The following PPP1R13B variants were observed in gnomAD, a reference collection of about 807,000 sequenced individuals.
PPP1R13B encodes the protein protein phosphatase 1 regulatory subunit 13B, also known as apoptosis-stimulating of p53 protein 1.
A neutral mutation model predicts 119.8 loss-of-function variants in PPP1R13B; 44 were observed. The ratio of observed to expected loss-of-function variants is 0.37; its 90% CI spans 0.29 to 0.47. PPP1R13B has a LOEUF of 0.47. Among genes scored for constraint, PPP1R13B ranks in the 20% least tolerant of loss-of-function variants. The pLI is 0.99. For synonymous variants in PPP1R13B, 542 were observed against 561.5 expected (o/e 0.97, Z 0.49); for missense variants, 1,227 against 1,413.5 (o/e 0.87, Z 2.12).
chr14:103,734,805 G>A lies in PPP1R13B; in HGVS notation c.*349C>T. 4 of 458,246 alleles carry A rather than the reference G, an allele frequency of 8.7e-6. No homozygotes were observed. Among genetic ancestry groups the A allele is most frequent in the Non-Finnish European group, 1.7e-5 (4 of 232,722 alleles). 28.4% of individuals were successfully genotyped at this position (458,246 alleles called of 1,614,324 possible). On this transcript the variant is annotated 3_prime_UTR_variant, in exon 17 of 17. Transcript: ENST00000202556. Reference sequence around the variant, plus strand: ...GTGTTCACTGCTGGAGGGGGTGATGGCCTCGGGGCCAAGTCAGTAAGAGCT... The same window carrying A: ...GTGTTCACTGCTGGAGGGGGTGATGACCTCGGGGCCAAGTCAGTAAGAGCT...
chr14:103,826,159 G>A (rs2086535701), intron 1 of PPP1R13B, among the ~76,000 whole-genome samples: 1 of 151,996 alleles, frequency 6.6e-6, no homozygotes, highest in African/African-American at 2.4e-5. Flanking sequence ...TTACAGCTGC[G>A]AGCCACCACA....
At chr14:103,748,325 T>C (rs2084446713) in intron 8 of PPP1R13B, among the ~76,000 whole-genome samples, 1 of 152,172 alleles carries the variant, frequency 6.6e-6, no homozygotes, top group Admixed American at 6.5e-5. Context: ...GTGTTGTTTT[T>C]TTAAAAGAAG....
At chr14:103,790,606 A>G (rs2082456238) in intron 2 of PPP1R13B, among the ~76,000 whole-genome samples, 1 of 152,066 alleles carries the variant, frequency 6.6e-6, no homozygotes, top group South Asian at 2.1e-4. Flanking sequence ...GCAAAACCCC[A>G]TCTTTACTAA....
At chr14:103,818,402 C>T in intron 1 of PPP1R13B, 2 of 790,146 alleles carry the variant, frequency 2.5e-6, no homozygotes, top group Non-Finnish European at 3.1e-6. Flanking sequence ...ATTTCTATGA[C>T]CATAATTTCT....
intron 6 of PPP1R13B, 134 bp from the exon 7 acceptor site, chr14:103,753,330 A>G: frequency 1.2e-6 from 1 of 840,326 alleles, no homozygotes; most frequent in East Asian, 2.6e-5. Flanking sequence ...CAGAATCCAC[A>G]ACACATTTCA....
intron 2 of PPP1R13B, among the ~76,000 whole-genome samples, chr14:103,794,011 T>G (rs1013024505): frequency 1.3e-5 from 2 of 152,142 alleles, no homozygotes; most frequent in Non-Finnish European, 1.5e-5. Context: ...AGGGGGAGGT[T>G]TGTCCACAGA....
chr14:103,794,328 G>GT (rs60972985), intron 2 of PPP1R13B, among the ~76,000 whole-genome samples: 3,734 of 140,656 alleles, frequency 0.027, 92 homozygotes, highest in Non-Finnish European at 0.042. Flanking sequence ...TTTGTTTTTT[G>GT]TTTTTTTTTT....
At chr14:103,818,007 C>CT (rs535679317) in intron 1 of PPP1R13B, among the ~76,000 whole-genome samples, 24 of 151,008 alleles carry the variant, frequency 1.6e-4, no homozygotes, top group East Asian at 1.9e-4. Context: ...GTAAATCAAA[C>CT]TTTTTTTTTA....
At chr14:103,797,119 C>T (rs969484472) in intron 2 of PPP1R13B, among the ~76,000 whole-genome samples, 18 of 137,976 alleles carry the variant, frequency 1.3e-4, no homozygotes, top group African/African-American at 4.8e-4. Flanking sequence ...AAAAAGTATA[C>T]AAAAAAGCAT....
chr14:103,741,815 G>A lies in PPP1R13B; in HGVS notation c.1797C>T (p.Ser599=), dbSNP rs367809537. 3.0e-5 allele frequency: 48 copies of A among 1,614,072 alleles called. No homozygotes were observed. Among genetic ancestry groups the A allele is most frequent in the South Asian group, 4.4e-5 (4 of 91,074 alleles). Residue 599 remains serine (S), a synonymous_variant, in exon 11 of 17, where the codon AGC becomes AGT. Transcript: ENST00000202556. ...PPKNYQPAAH[S]ALNKSVKAVY... is the part of the protein sequence containing the mutation. The stretch of plus-strand genomic sequence containing the variant: ...CTGCTTTAACTGACTTATTTAAGGC[G>A]CTGTGTGCTGCCGGCTGGTAATTCT...
intron 2 of PPP1R13B, among the ~76,000 whole-genome samples, chr14:103,785,891 G>A (rs1185633152): frequency 2.0e-5 from 3 of 152,086 alleles, no homozygotes; most frequent in Admixed American, 6.5e-5. Context: ...GGCAATCAGA[G>A]GTACGAAGGC....
At position 103,806,223 on chromosome 14, in the gene PPP1R13B, G is replaced by A. The variant is rs146691791; in HGVS notation, c.10-8705C>T. 8.1e-4 allele frequency among the ~76,000 whole-genome samples: 124 copies of A among 152,268 alleles called. 1 individual carries two copies. The highest frequency in any genetic ancestry group is 2.9e-3 in the African/African-American group (120 of 41,566). The stretch of plus-strand genomic sequence containing the variant: ...TCTCTGGGTCTTGGTTTCTTGGCAA[G>A]AACTCAGCAGATAATATGAAACACA... On this transcript the variant is annotated intron_variant, in intron 1 of 16. Coordinates refer to ENST00000202556, the MANE Select transcript of PPP1R13B (RefSeq NM_015316.3).
chr14:103,742,992 A>G lies in PPP1R13B; in HGVS notation c.1151-169T>C. ...ACATGCACAACTGCTGATCTCCTCCAGCACCCACAGACCCGTGCACAAGAC... is the reference window on the plus strand; with the variant it reads ...ACATGCACAACTGCTGATCTCCTCCGGCACCCACAGACCCGTGCACAAGAC... On this transcript the variant is annotated intron_variant, in intron 9 of 16. Transcript: ENST00000202556. The surrounding 1 kb of genome is among the most constrained non-coding windows in gnomAD (Gnocchi z 4.9). The G allele has an allele frequency of 1.4e-6, 1 of 709,794 alleles. No homozygotes were observed. The highest frequency in any genetic ancestry group is 2.3e-6 in the Non-Finnish European group (1 of 431,600). 44.0% of individuals were successfully genotyped at this position (709,794 alleles called of 1,614,324 possible). A position where few individuals can be genotyped will look rare whatever the true frequency, so the allele number is the denominator to read the frequency against.
intron 1 of PPP1R13B, among the ~76,000 whole-genome samples, chr14:103,840,996 A>T (rs914320102): frequency 1.3e-5 from 2 of 151,298 alleles, no homozygotes; most frequent in African/African-American, 4.9e-5. Context: ...ATTAATTAAA[A>T]ATTTTTTTTG....
rs373887711 is a variant in PPP1R13B at position 103,749,881 on chromosome 14, T to C, written c.882A>G (p.Glu294=). ...EQNSKLQQQK[E]LLNKRNMEVA... ...CCTCCATGTTGCGCTTATTTAAGAG[T>C]TCCTTCTGCTGCTGAAGTTTTGAAT... Residue 294 remains glutamate, a synonymous_variant, in exon 8 of 17, where the codon GAA becomes GAG. Coordinates refer to ENST00000202556, the MANE Select transcript of PPP1R13B (RefSeq NM_015316.3). The C allele has an allele frequency of 1.9e-6, 3 of 1,614,080 alleles. No individual in the cohort carries two copies. Among genetic ancestry groups the C allele is most frequent in the South Asian group, 2.2e-5 (2 of 91,064 alleles).
At chr14:103,789,231 T>TG (rs2085549112) in intron 2 of PPP1R13B, among the ~76,000 whole-genome samples, 5 of 151,982 alleles carry the variant, frequency 3.3e-5, no homozygotes, top group African/African-American at 7.2e-5. Flanking sequence ...AATTTTTTTT[T>TG]TGGGGGGGAT....
At position 103,782,825 on chromosome 14, in the gene PPP1R13B, T is replaced by C. The variant is rs572592370; in HGVS notation, c.277+1970A>G. 8.6e-5 allele frequency among the ~76,000 whole-genome samples: 13 copies of C among 151,972 alleles called. No individual in the cohort carries two copies. The East Asian group carries it at 2.1e-3, about 25-fold the overall frequency. ...TCTACTAAGCTTTTTTTTTTTGAGA[T>C]GGAGTTTCACTCTTGTTGCCCAGGC... On this transcript the variant is annotated intron_variant, in intron 3 of 16. Coordinates refer to ENST00000202556, the MANE Select transcript of PPP1R13B (RefSeq NM_015316.3).
At chr14:103,799,637 C>A (rs1364844794) in intron 1 of PPP1R13B, among the ~76,000 whole-genome samples, 25 of 140,010 alleles carry the variant, frequency 1.8e-4, no homozygotes, top group African/African-American at 6.2e-4. Context: ...TTTTTAATTT[C>A]AAAAAAATAC....
intron 3 of PPP1R13B, among the ~76,000 whole-genome samples, chr14:103,782,610 C>T (rs557215381): frequency 6.6e-6 from 1 of 152,326 alleles, no homozygotes; most frequent in South Asian, 2.1e-4. Flanking sequence ...CGGCCTGTTT[C>T]TCAGAGTCCT....
Sources: allele counts gnomAD v4.1 joint callset (sites outside exome capture counted in the v4.1 genomes callset), GRCh38; gene constraint gnomAD v4.1.1; non-coding constraint Gnocchi (gnomAD v3.1); transcripts MANE v1.5; gene names NCBI Gene and HGNC (gene_info 2026-07-23, HGNC 2026-07-21).